Variants in CSF1R observed in about 807,000 individuals in gnomAD.
The protein encoded by CSF1R is macrophage colony-stimulating factor 1 receptor.
Under a neutral mutation model 110.0 loss-of-function variants are expected in CSF1R, and 40 were observed. The ratio of observed to expected loss-of-function variants is 0.36; its 90% CI spans 0.28 to 0.47. CSF1R has a LOEUF of 0.47. Ranked by LOEUF, CSF1R falls within the 20% of genes least tolerant of loss-of-function variation. CSF1R has a pLI of 0.99. For synonymous variants in CSF1R, 523 were observed against 503.4 expected (o/e 1.04, Z -0.52); for missense variants, 1,052 against 1,253.0 (o/e 0.84, Z 2.42).
intron 10 of CSF1R, among the ~76,000 whole-genome samples, chr5:150,065,967 G>A (rs1023618426): frequency 3.3e-5 from 5 of 152,226 alleles, no homozygotes; most frequent in African/African-American, 9.7e-5. Context: ...TGGGCACTGC[G>A]AGGCAGTTTT....
intron 1 of CSF1R, among the ~76,000 whole-genome samples, chr5:150,082,823 T>C (rs1052270211): frequency 2.6e-5 from 4 of 152,258 alleles, no homozygotes; most frequent in African/African-American, 9.6e-5. Context: ...ACTCCTGCCC[T>C]GGGCACCTGC....
At chr5:150,105,598 C>A (rs1237452272) in intron 1 of CSF1R, among the ~76,000 whole-genome samples, 3 of 151,914 alleles carry the variant, frequency 2.0e-5, no homozygotes, top group Non-Finnish European at 4.4e-5. Flanking sequence ...TTACAGCTCA[C>A]TGAAGCCTCA....
chr5:150,074,842 T>TACACAC (rs5872157), intron 5 of CSF1R, among the ~76,000 whole-genome samples: 8,721 of 151,874 alleles, frequency 0.057, 833 homozygotes, highest in African/African-American at 0.2. Flanking sequence ...TCTTCCTTCC[T>TACACAC]ACACACACAC....
At chr5:150,109,062 C>CT (rs1759637453) in intron 1 of CSF1R, among the ~76,000 whole-genome samples, 1 of 121,206 alleles carries the variant, frequency 8.3e-6, no homozygotes, top group Non-Finnish European at 1.9e-5. Context: ...AAGCCCGCCC[C>CT]CCCCCCACCA....
At position 150,086,545 on chromosome 5, in the gene CSF1R, C is replaced by T. The variant is rs1216250060; in HGVS notation, c.-118G>A. ...TGGACACACGTTCCTCTCCTCTGCA[C>T]TGGCTGTTTGTCTTGTTTTCCTCTT... On this transcript the variant is annotated 5_prime_UTR_variant, in exon 1 of 21. In the 5' UTR this introduces an upstream ATG that the reference lacks. Coordinates refer to ENST00000675795, the MANE Select transcript of CSF1R (RefSeq NM_001288705.3). 2.1e-6 allele frequency: 2 copies of T among 941,964 alleles called. No individual in the cohort carries two copies. The highest frequency in any genetic ancestry group is 1.5e-5 in the South Asian group (1 of 66,426). The allele number at this position is 941,964 out of a possible 1,614,324, so 58.4% of individuals were successfully genotyped here.
intron 1 of CSF1R, among the ~76,000 whole-genome samples, chr5:150,110,912 G>GT (rs67908809): frequency 0.038 from 5,449 of 144,472 alleles, 273 homozygotes; most frequent in African/African-American, 0.12. Flanking sequence ...GTATCAAGTA[G>GT]TTTTTTTTTT....
At chr5:150,057,659 T>C (rs951832844) in intron 14 of CSF1R, 67 bp from the exon 15 acceptor site, 33 of 1,217,360 alleles carry the variant, frequency 2.7e-5, no homozygotes, top group Non-Finnish European at 3.4e-5. Flanking sequence ...GCTCAGGCCT[T>C]GACCACCCAC....
At chr5:150,087,743 T>C (rs1281023105), upstream of CSF1R, among the ~76,000 whole-genome samples, 1 of 152,074 alleles carries the variant, frequency 6.6e-6, no homozygotes, top group African/African-American at 2.4e-5. Flanking sequence ...TTTTTCTTTT[T>C]TTTTTTCTGA....
chr5:150,066,543 GAGGTT>G (rs1417193529), intron 10 of CSF1R, among the ~76,000 whole-genome samples: 13 of 152,204 alleles, frequency 8.5e-5, no homozygotes, highest in African/African-American at 3.1e-4. Flanking sequence ...CGAGTCAGCT[GAGGTT>G]ACATGGCAAA....
intron 1 of CSF1R, among the ~76,000 whole-genome samples, chr5:150,099,573 C>T (rs577828864): frequency 1.4e-3 from 209 of 152,310 alleles, no homozygotes; most frequent in African/African-American, 4.8e-3. Context: ...TTCTGATGTA[C>T]ACAACGATGT....
At chr5:150,060,997 A>C (rs2113790426) in intron 12 of CSF1R, 25 bp from the exon 13 acceptor site, 2 of 1,527,656 alleles carry the variant, frequency 1.3e-6, no homozygotes, top group South Asian at 2.4e-5. Context: ...CACAGTCCCA[A>C]AGACAGGGAG....
At chr5:150,067,235 T>C (rs1757815580) in intron 10 of CSF1R, 1 of 152,234 alleles carries the variant, frequency 6.6e-6, no homozygotes, top group East Asian at 1.9e-4. Context: ...CTCAGCTTCC[T>C]GATGGGTAAG....
chr5:150,076,790 CT>C (rs1444730599), intron 5 of CSF1R: 1 of 232,226 alleles, frequency 4.3e-6, no homozygotes, highest in Non-Finnish European at 8.5e-6. Flanking sequence ...CGCTGTTCCC[CT>C]TCCTTTCCCA....
intron 4 of CSF1R, 127 bp downstream of exon 4, chr5:150,077,985 C>T (rs905022930): frequency 8.1e-7 from 1 of 1,227,174 alleles, no homozygotes; most frequent in Non-Finnish European, 1.2e-6. Flanking sequence ...GCACCCCTCT[C>T]TGGAGTCTGA....
chr5:150,074,465 G>GC (rs777780447), intron 5 of CSF1R, among the ~76,000 whole-genome samples: 2 of 151,940 alleles, frequency 1.3e-5, no homozygotes. Flanking sequence ...ATGCCACCAC[G>GC]CCCAGCTACT....
chr5:150,058,477 T>G (rs1270759853), intron 14 of CSF1R, among the ~76,000 whole-genome samples: 2 of 152,236 alleles, frequency 1.3e-5, no homozygotes, highest in African/African-American at 4.8e-5. Flanking sequence ...GAAACTATGC[T>G]TCCGTTAACA....
intron 1 of CSF1R, among the ~76,000 whole-genome samples, chr5:150,100,290 C>CTTTTTTTTTTTTTTTTTTT: frequency 1.1e-5 from 1 of 89,348 alleles, no homozygotes; most frequent in Non-Finnish European, 2.1e-5. Flanking sequence ...ATTGGCTAAC[C>CTTTTTTTTTTTTTTTTTTT]TTTTTTTTTT....
intron 1 of CSF1R, among the ~76,000 whole-genome samples, chr5:150,106,913 A>G (rs1759576247): frequency 6.6e-6 from 1 of 152,074 alleles, no homozygotes; most frequent in African/African-American, 2.4e-5. Context: ...CTCGCTGTCA[A>G]CAGAAGCACA....
chr5:150,109,853 T>C lies in CSF1R; in HGVS notation c.-181+3408A>G, dbSNP rs535758783. Among the ~76,000 whole-genome samples, 476 of 152,360 alleles carry C rather than the reference T, an allele frequency of 3.1e-3. 4 individuals carry two copies. Among genetic ancestry groups the C allele is most frequent in the Non-Finnish European group, 2.7e-3 (186 of 68,042 alleles). On this transcript the variant is annotated intron_variant, in intron 1 of 21. Transcript: ENST00000286301. ...ATAATGGCCATTGTAGCATAACTTA[T>C]AACTCTAAAAAATGGGAAATAGTCC...
Sources: allele counts gnomAD v4.1 joint callset (sites outside exome capture counted in the v4.1 genomes callset), GRCh38; gene constraint gnomAD v4.1.1; transcripts MANE v1.5; gene names NCBI Gene and HGNC (gene_info 2026-07-23, HGNC 2026-07-21).